Variants in NLGN1 observed in about 807,000 individuals in gnomAD.
NLGN1 encodes neuroligin 1, also known as neuroligin-1.
NLGN1 carries 12 observed loss-of-function variants against 65.5 expected under a neutral mutation model. The observed-to-expected ratio is 0.18, with a 90% CI of 0.12 to 0.30. NLGN1 has a LOEUF of 0.30. Among genes scored for constraint, NLGN1 ranks in the 10% least tolerant of loss-of-function variants. NLGN1 has a pLI of 1.00. For synonymous variants in NLGN1, 350 were observed against 359.5 expected (o/e 0.97, Z 0.30); for missense variants, 750 against 1,007.1 (o/e 0.74, Z 3.46).
chr3:174,015,691 T>C (rs1726416865), intron 4 of NLGN1, among the ~76,000 whole-genome samples: 5 of 152,166 alleles, frequency 3.3e-5, no homozygotes, highest in Admixed American at 3.3e-4. Context: ...CCCCATTTTT[T>C]ACAATGGAGA....
rs115899233 is a variant in NLGN1, at chr3:173,699,930, C to G, written c.493+94839C>G. Reference sequence around the variant, plus strand: ...GAGAACTTTTCTGGTCACAGAGGTACTATTTAGTGCACTGGAGCATAATTT... The same window carrying G: ...GAGAACTTTTCTGGTCACAGAGGTAGTATTTAGTGCACTGGAGCATAATTT... On this transcript the variant is annotated intron_variant, in intron 3 of 6. Coordinates refer to ENST00000457714, the Ensembl canonical transcript of NLGN1. Among the ~76,000 whole-genome samples, 1,431 of 152,274 alleles carry G rather than the reference C, an allele frequency of 9.4e-3. 22 individuals carry two copies. Among genetic ancestry groups the G allele is most frequent in the African/African-American group, 0.033 (1,376 of 41,566 alleles).
chr3:173,600,408 C>T (rs1750289267), intron 2 of NLGN1, among the ~76,000 whole-genome samples: 1 of 151,966 alleles, frequency 6.6e-6, no homozygotes, highest in Non-Finnish European at 1.5e-5. Context: ...AACTGAGATT[C>T]AACCATGCTT....
chr3:174,255,322 G>C (rs1253223117), intron 4 of NLGN1, among the ~76,000 whole-genome samples: 1 of 150,856 alleles, frequency 6.6e-6, no homozygotes, highest in African/African-American at 2.4e-5. Flanking sequence ...TGTAGTCCCA[G>C]TTACTCAGGA....
At chr3:174,178,193 T>A (rs1729789338) in intron 4 of NLGN1, among the ~76,000 whole-genome samples, 1 of 152,126 alleles carries the variant, frequency 6.6e-6, no homozygotes, top group Non-Finnish European at 1.5e-5. Flanking sequence ...AAGCTTTTTC[T>A]CTTGATTTAT....
intron 3 of NLGN1, among the ~76,000 whole-genome samples, chr3:173,738,713 G>A (rs188479959): frequency 1.9e-4 from 29 of 151,956 alleles, no homozygotes; most frequent in Non-Finnish European, 3.8e-4. Context: ...GATCGTTTTG[G>A]CAATTTTGGG....
At chr3:173,740,846 T>A (rs1399309182) in intron 3 of NLGN1, among the ~76,000 whole-genome samples, 2 of 151,936 alleles carry the variant, frequency 1.3e-5, no homozygotes, top group Non-Finnish European at 2.9e-5. Flanking sequence ...ATGCGTAAGG[T>A]GGAGAAGGTA....
In NLGN1 at chr3:173,745,771, C is replaced by G. The variant is rs185207672; in HGVS notation, c.494-61909C>G. 4.7e-4 allele frequency among the ~76,000 whole-genome samples: 71 copies of G among 152,188 alleles called. 2 individuals carry two copies. Among genetic ancestry groups the G allele is most frequent in the Admixed American group, 8.5e-4 (13 of 15,280 alleles). ...GGCCCAGTTACCTAGTTCCAGGGAACAGATACTCCAGAAAGAAGCGGTCTG... is the reference window on the plus strand; with the variant it reads ...GGCCCAGTTACCTAGTTCCAGGGAAGAGATACTCCAGAAAGAAGCGGTCTG... On this transcript the variant is annotated intron_variant, in intron 3 of 6. Transcript: ENST00000457714.
chr3:173,822,223 C>T (rs1046309572), intron 4 of NLGN1, among the ~76,000 whole-genome samples: 1 of 152,034 alleles, frequency 6.6e-6, no homozygotes, highest in Admixed American at 6.6e-5. Flanking sequence ...ATTTACGATC[C>T]GTACTTCCAT....
chr3:173,458,928 G>A (rs61571505), intron 2 of NLGN1, among the ~76,000 whole-genome samples: 48 of 152,132 alleles, frequency 3.2e-4, no homozygotes, highest in Admixed American at 1.8e-3. Context: ...TAAGGAAGAA[G>A]CACCCTTTGA....
chr3:173,734,844 T>A (rs1773479874), intron 3 of NLGN1, among the ~76,000 whole-genome samples: 1 of 152,124 alleles, frequency 6.6e-6, no homozygotes, highest in African/African-American at 2.4e-5. Flanking sequence ...TGCTTTTTTC[T>A]GAACTCTGAC....
intron 2 of NLGN1, among the ~76,000 whole-genome samples, chr3:173,543,667 A>T (rs1739271748): frequency 6.6e-6 from 1 of 152,158 alleles, no homozygotes; most frequent in Non-Finnish European, 1.5e-5. Flanking sequence ...TTGGATTTTT[A>T]AAAATAAAAC....
chr3:173,828,125 C>T (rs1721738159), intron 4 of NLGN1, among the ~76,000 whole-genome samples: 1 of 152,204 alleles, frequency 6.6e-6, no homozygotes, highest in East Asian at 1.9e-4. Flanking sequence ...TTATAATTTT[C>T]ATAATTTGGG....
intron 4 of NLGN1, among the ~76,000 whole-genome samples, chr3:173,811,171 T>TTGA (rs1464560797): frequency 6.6e-6 from 1 of 152,264 alleles, no homozygotes; most frequent in Admixed American, 6.5e-5. Flanking sequence ...CATCTATTAT[T>TTGA]TGATATATTG....
chr3:174,234,594 G>T (rs1251287802), intron 4 of NLGN1, among the ~76,000 whole-genome samples: 4 of 152,116 alleles, frequency 2.6e-5, no homozygotes, highest in Admixed American at 6.6e-5. Flanking sequence ...CTAGTTTTAG[G>T]TTTTTTCTAT....
At chr3:174,199,941 C>T (rs1245962087) in intron 4 of NLGN1, among the ~76,000 whole-genome samples, 1 of 152,172 alleles carries the variant, frequency 6.6e-6, no homozygotes, top group Non-Finnish European at 1.5e-5. Flanking sequence ...ACAGTTATAG[C>T]CAAGTTTGTC....
At chr3:174,071,582 A>G (rs1275324207) in intron 4 of NLGN1, among the ~76,000 whole-genome samples, 1 of 151,998 alleles carries the variant, frequency 6.6e-6, no homozygotes, top group Non-Finnish European at 1.5e-5. Flanking sequence ...GGTATGGGCC[A>G]GTAGGCCCAA....
chr3:174,014,828 G>A (rs553887883), intron 4 of NLGN1, among the ~76,000 whole-genome samples: 3 of 152,210 alleles, frequency 2.0e-5, no homozygotes, highest in South Asian at 2.1e-4. Flanking sequence ...AGAATCAAGC[G>A]AGGGATCATG....
At chr3:173,898,312 T>TA (rs1293055801) in intron 4 of NLGN1, among the ~76,000 whole-genome samples, 9 of 152,186 alleles carry the variant, frequency 5.9e-5, no homozygotes, top group African/African-American at 2.2e-4. Flanking sequence ...CTCTTTTAGA[T>TA]ATCAGGAAAA....
chr3:173,704,438 A>C (rs916145484), intron 3 of NLGN1, among the ~76,000 whole-genome samples: 1 of 152,336 alleles, frequency 6.6e-6, no homozygotes, highest in Admixed American at 6.5e-5. Context: ...AGTGAGGTAA[A>C]TAATAGAGAC....
Sources: gnomAD v4.1 joint callset for allele counts (sites outside exome capture counted in the v4.1 genomes callset) on GRCh38, gnomAD v4.1.1 for gene constraint, MANE v1.5 for transcripts, NCBI Gene and HGNC (gene_info 2026-07-23, HGNC 2026-07-21) for gene names.